Variants in CIMIP4 observed in about 807,000 individuals in gnomAD.
The protein encoded by CIMIP4 is protein EAN57.
At chr22:36,998,516 G>A in the CIMIP4 span, among the ~76,000 whole-genome samples, 5 of 152,296 alleles carry the variant, frequency 3.3e-5, no homozygotes, top group South Asian at 4.1e-4. Context: ...AAGCCCCTGC[G>A]TGCTGTGACA....
At chr22:37,002,094 C>A in the CIMIP4 span, 1 of 1,585,562 alleles carries the variant, frequency 6.3e-7, no homozygotes, top group Non-Finnish European at 8.6e-7. Flanking sequence ...CTGCTGGCAG[C>A]AGTCGGGGGT....
chr22:37,007,157 C>T, the CIMIP4 span, among the ~76,000 whole-genome samples: 1 of 152,216 alleles, frequency 6.6e-6, no homozygotes, highest in Non-Finnish European at 1.5e-5. Flanking sequence ...TCCCAACTCA[C>T]AGAAACTGTG....
chr22:37,001,974 C>G, the CIMIP4 span: 2 of 1,614,000 alleles, frequency 1.2e-6, no homozygotes, highest in South Asian at 2.2e-5. Context: ...TCATCCGTCC[C>G]CTGGCATGGC....
At chr22:37,005,372 C>G in the CIMIP4 span, among the ~76,000 whole-genome samples, 1 of 152,164 alleles carries the variant, frequency 6.6e-6, no homozygotes, top group Non-Finnish European at 1.5e-5. Context: ...TGTCAAACTT[C>G]TAAGCTTTAT....
At chr22:37,002,902 TC>T in the CIMIP4 span, among the ~76,000 whole-genome samples, 1 of 152,014 alleles carries the variant, frequency 6.6e-6, no homozygotes, top group African/African-American at 2.4e-5. Context: ...CCCAGCCACC[TC>T]CCAGGCTCTC....
the CIMIP4 span, among the ~76,000 whole-genome samples, chr22:37,002,894 C>G: frequency 6.6e-6 from 1 of 152,274 alleles, no homozygotes; most frequent in East Asian, 1.9e-4. Context: ...GGCACCATCC[C>G]AGCCACCTCC....
At chr22:37,002,235 C>T in the CIMIP4 span, 1 of 1,455,410 alleles carries the variant, frequency 6.9e-7, no homozygotes, top group East Asian at 2.5e-5. Flanking sequence ...CTGTAGGCCG[C>T]TTTCCAGGGG....
chr22:36,991,424 A>T, the CIMIP4 span: 1 of 1,586,380 alleles, frequency 6.3e-7, no homozygotes, highest in Non-Finnish European at 8.7e-7. Flanking sequence ...TAGAGCCAAC[A>T]CACCCTGCTG....
chr22:37,006,626 T>G, the CIMIP4 span, among the ~76,000 whole-genome samples: 16 of 152,340 alleles, frequency 1.1e-4, 1 homozygote, highest in Admixed American at 7.2e-4. Context: ...GCTTTTAAAC[T>G]GATGCTTTAA....
the CIMIP4 span, among the ~76,000 whole-genome samples, chr22:37,003,333 G>A: frequency 1.3e-5 from 2 of 152,148 alleles, no homozygotes; most frequent in Admixed American, 6.5e-5. Flanking sequence ...TAGCAGGATC[G>A]CTGCCCCAAC....
chr22:36,994,882 G>A, the CIMIP4 span, among the ~76,000 whole-genome samples: 8 of 151,996 alleles, frequency 5.3e-5, no homozygotes, highest in Admixed American at 2.0e-4. Flanking sequence ...CACCCGCCTC[G>A]GCCTCCCAAA....
the CIMIP4 span, among the ~76,000 whole-genome samples, chr22:36,997,188 C>G: frequency 6.6e-6 from 1 of 152,150 alleles, no homozygotes; most frequent in African/African-American, 2.4e-5. Context: ...GAAAATGAAT[C>G]CCTACTTCAT....
the CIMIP4 span, chr22:37,001,949 C>T: frequency 3.1e-6 from 5 of 1,613,762 alleles, no homozygotes; most frequent in Non-Finnish European, 2.5e-6. Flanking sequence ...GTCCTGAGCC[C>T]CCAAGCTGGG....
At chr22:37,004,279 C>A in the CIMIP4 span, among the ~76,000 whole-genome samples, 2 of 151,900 alleles carry the variant, frequency 1.3e-5, no homozygotes, top group Non-Finnish European at 2.9e-5. Flanking sequence ...GCCCTGGCCA[C>A]CCCCACCCCA....
the CIMIP4 span, among the ~76,000 whole-genome samples, chr22:36,999,551 A>AGG: frequency 1.5e-4 from 1 of 6,706 alleles, no homozygotes; most frequent in Non-Finnish European, 2.2e-4. Context: ...GGGAGGGGAG[A>AGG]GAAGGGGAGG....
At chr22:36,995,863 T>C in the CIMIP4 span, among the ~76,000 whole-genome samples, 1 of 152,232 alleles carries the variant, frequency 6.6e-6, no homozygotes, top group East Asian at 1.9e-4. Context: ...CAGGTATGTT[T>C]TTATCAGCAG....
At chr22:37,007,055 G>C in the CIMIP4 span, among the ~76,000 whole-genome samples, 2 of 152,148 alleles carry the variant, frequency 1.3e-5, no homozygotes, top group Non-Finnish European at 2.9e-5. Flanking sequence ...CTCTGGTCGA[G>C]CTTTGAGATG....
the CIMIP4 span, among the ~76,000 whole-genome samples, chr22:37,003,445 A>T: frequency 6.6e-6 from 1 of 152,122 alleles, no homozygotes; most frequent in African/African-American, 2.4e-5. Context: ...TCACGCCTGC[A>T]TCAAAATCTT....
chr22:36,992,927 T>C, the CIMIP4 span, among the ~76,000 whole-genome samples: 1 of 149,988 alleles, frequency 6.7e-6, no homozygotes. Flanking sequence ...ATCCTATATA[T>C]AATACATATA....
Sources: gnomAD v4.1 joint callset for allele counts (sites outside exome capture counted in the v4.1 genomes callset) on GRCh38, gnomAD v4.1.1 for gene constraint, MANE v1.5 for transcripts, NCBI Gene and HGNC (gene_info 2026-07-23, HGNC 2026-07-21) for gene names.